Variants in DHX29 observed in about 807,000 individuals in gnomAD.
DHX29 encodes the protein ATP-dependent RNA helicase DHX29.
DHX29 carries 79 observed loss-of-function variants against 167.9 expected under a neutral mutation model. The ratio of observed to expected loss-of-function variants is 0.47; its 90% CI spans 0.39 to 0.57. The LOEUF (loss-of-function observed/expected upper bound fraction) is 0.57, where lower values mean the gene tolerates loss of function less well. Among genes scored for constraint, DHX29 ranks in the 20% least tolerant of loss-of-function variants. DHX29 has a pLI of 0.00. For missense variants in DHX29, 1,347 were observed against 1,593.4 expected, an observed-to-expected ratio of 0.85 and a Z score of 2.63; for synonymous variants, 530 against 546.0, an observed-to-expected ratio of 0.97 and a Z score of 0.41.
intron 4 of DHX29, 47 bp from the exon 5 acceptor site, chr5:55,295,571 A>G: frequency 6.4e-7 from 1 of 1,572,206 alleles, no homozygotes; most frequent in Non-Finnish European, 8.6e-7. Context: ...CATATGATAC[A>G]TAAAACACAC....
chr5:55,256,419 C>A lies in DHX29; in HGVS notation c.*69G>T. On this transcript the variant is annotated 3_prime_UTR_variant, in exon 27 of 27. Transcript: ENST00000251636. ...TAATGAAATACTTAATGTGATGACC[C>A]ATTTTCAGATAATTTCATGACTGTA... 1 of 1,381,850 alleles carries A rather than the reference C, an allele frequency of 7.2e-7. No individual in the cohort carries two copies. Among genetic ancestry groups the A allele is most frequent in the Non-Finnish European group, 9.9e-7 (1 of 1,010,658 alleles). 85.6% of individuals were successfully genotyped at this position (1,381,850 alleles called of 1,614,324 possible). A position where few individuals can be genotyped will look rare whatever the true frequency, so the allele number is the denominator to read the frequency against.
intron 16 of DHX29, among the ~76,000 whole-genome samples, chr5:55,273,610 T>C (rs1373908804): frequency 6.6e-6 from 1 of 152,210 alleles, no homozygotes; most frequent in Non-Finnish European, 1.5e-5. Flanking sequence ...CTTTCTAATG[T>C]TGAAGTGGTT....
intron 7 of DHX29, 99 bp from the exon 8 acceptor site, chr5:55,289,527 T>G (rs576326215): frequency 2.5e-5 from 23 of 922,360 alleles, no homozygotes; most frequent in Non-Finnish European, 3.2e-5. Flanking sequence ...AAGAGTTTCA[T>G]GGTTTTCATG....
At chr5:55,270,858 A>ATGG in intron 18 of DHX29, 152 bp from the exon 19 acceptor site, 1 of 614,194 alleles carries the variant, frequency 1.6e-6, no homozygotes. Context: ...TCATATTTAA[A>ATGG]TAATTTAGTA....
At position 55,277,138 on chromosome 5, in the gene DHX29, G is replaced by A; in HGVS notation, c.2254C>T (p.Leu752Phe). Reference protein sequence around the residue: ...FSTYFTHCPILRISGRSYPVE... With the variant: ...FSTYFTHCPIFRISGRSYPVE... ...GGATAACTTCTTCCTGAAATTCTGA[G>A]AATGGGGCAGTGTGTGAAATATGTA... Residue 752 changes from leucine (L) to phenylalanine (F), a missense_variant, in exon 13 of 27, where the codon CTC becomes TTC. Coordinates refer to ENST00000251636, the MANE Select transcript of DHX29 (RefSeq NM_019030.4). The A allele has an allele frequency of 1.2e-6, 2 of 1,612,360 alleles. No homozygotes were observed. Among genetic ancestry groups the A allele is most frequent in the Non-Finnish European group, 1.7e-6 (2 of 1,179,232 alleles).
Position 55,256,474 on chromosome 5 carries a change from C to A in DHX29, c.*14G>T. 1 of 1,582,090 alleles carries A rather than the reference C, an allele frequency of 6.3e-7. No individual in the cohort carries two copies. Among genetic ancestry groups the A allele is most frequent in the South Asian group, 1.2e-5 (1 of 84,730 alleles). On this transcript the variant is annotated 3_prime_UTR_variant, in exon 27 of 27. Coordinates refer to ENST00000251636, the MANE Select transcript of DHX29 (RefSeq NM_019030.4). ...CATCTTAATTTTTAAAGCAGTTGAC[C>A]ATGAATTTCAGTTTCAGTTATTCTC...
intron 12 of DHX29, among the ~76,000 whole-genome samples, chr5:55,277,727 G>A (rs531506449): frequency 3.9e-5 from 6 of 151,904 alleles, no homozygotes; most frequent in South Asian, 2.1e-4. Flanking sequence ...CCAACATGAC[G>A]AAACCCTGTC....
In DHX29 at chr5:55,295,541, CTA is replaced by C; in HGVS notation, c.506-19_506-18del. The C allele has an allele frequency of 6.2e-7, 1 of 1,606,264 alleles. No individual in the cohort carries two copies. The highest frequency in any genetic ancestry group is 8.5e-7 in the Non-Finnish European group (1 of 1,177,814). ...GAAGTGCATCTTAAAATAAAAGAAA[CTA>C]TGCTGAAAATAAACAGGCATATGAT... On this transcript the variant is annotated intron_variant, in intron 4 of 26. Transcript: ENST00000251636.
chr5:55,270,339 T>A, intron 20 of DHX29, 73 bp downstream of exon 20: 1 of 1,463,980 alleles, frequency 6.8e-7, no homozygotes. Flanking sequence ...ATAAGGTAAG[T>A]TTAGGTGTTC....
At chr5:55,295,586 A>G in intron 4 of DHX29, 62 bp from the exon 5 acceptor site, 13 of 1,537,204 alleles carry the variant, frequency 8.5e-6, no homozygotes, top group Non-Finnish European at 1.1e-5. Context: ...ACACACAAAT[A>G]TTTGTTAAGC....
chr5:55,256,691 A>G (rs922237313), intron 26 of DHX29, 151 bp from the exon 27 acceptor site: 14 of 571,056 alleles, frequency 2.5e-5, no homozygotes, highest in Admixed American at 1.2e-4. Flanking sequence ...GACACCTATA[A>G]AATATTTTTT....
intron 16 of DHX29, 80 bp from the exon 17 acceptor site, chr5:55,273,457 T>C: frequency 1.5e-6 from 2 of 1,345,490 alleles, no homozygotes; most frequent in Non-Finnish European, 1.9e-6. Flanking sequence ...TATTTGCATA[T>C]AGCAAGCAAC....
At chr5:55,276,971 C>T in intron 13 of DHX29, 135 bp downstream of exon 13, 1 of 575,638 alleles carries the variant, frequency 1.7e-6, no homozygotes, top group Non-Finnish European at 3.0e-6. Context: ...ATTCTTAAGG[C>T]TGTGTCCAGC....
chr5:55,270,228 G>C (rs1232802460), intron 20 of DHX29, among the ~76,000 whole-genome samples, 184 bp downstream of exon 20: 4 of 152,184 alleles, frequency 2.6e-5, no homozygotes, highest in East Asian at 1.9e-4. Flanking sequence ...TCTATAAAGT[G>C]TAAGTGTCTG....
chr5:55,271,257 A>G (rs1468177010), intron 18 of DHX29, among the ~76,000 whole-genome samples: 1 of 152,256 alleles, frequency 6.6e-6, no homozygotes, highest in Non-Finnish European at 1.5e-5. Context: ...TTATTTATAC[A>G]GTAGTAATCT....
chr5:55,306,615 T>G (rs531984646), intron 1 of DHX29, among the ~76,000 whole-genome samples: 2 of 152,318 alleles, frequency 1.3e-5, no homozygotes, highest in African/African-American at 4.8e-5. Flanking sequence ...CTCATCACAT[T>G]CCTCACATCT....
chr5:55,275,769 GTA>G (rs1453967561), intron 14 of DHX29, among the ~76,000 whole-genome samples: 129 of 151,826 alleles, frequency 8.5e-4, no homozygotes, highest in African/African-American at 2.5e-3. Flanking sequence ...ATGTATGTAT[GTA>G]TGTGTGTGTG....
chr5:55,294,370 G>A (rs1748199531), intron 5 of DHX29, among the ~76,000 whole-genome samples: 1 of 152,148 alleles, frequency 6.6e-6, no homozygotes. Context: ...AGAATGAAAG[G>A]AGAACTGTTA....
chr5:55,295,554 A>C, intron 4 of DHX29, 30 bp from the exon 5 acceptor site: 2 of 1,604,348 alleles, frequency 1.2e-6, no homozygotes, highest in Non-Finnish European at 1.7e-6. Flanking sequence ...TGCTGAAAAT[A>C]AACAGGCATA....
Sources: allele counts gnomAD v4.1 joint callset (sites outside exome capture counted in the v4.1 genomes callset), GRCh38; gene constraint gnomAD v4.1.1; transcripts MANE v1.5; gene names NCBI Gene and HGNC (gene_info 2026-07-23, HGNC 2026-07-21).